Variants in UGT2A2 observed in about 807,000 individuals in gnomAD.
UGT2A2 encodes the protein UDP glucuronosyltransferase family 2 member A2.
In UGT2A2, 60 loss-of-function variants were observed where a neutral mutation model predicts 50.7. That is an observed-to-expected ratio of 1.18 (90% confidence interval 0.96 to 1.47). The LOEUF is 1.47. Among genes scored for constraint, UGT2A2 ranks in the 40% most tolerant of loss-of-function variants. The probability of loss-of-function intolerance (pLI) is 0.00; values close to 1 mark genes in which losing one functional copy is unlikely to be tolerated. For synonymous variants in UGT2A2, 242 were observed against 214.6 expected, an observed-to-expected ratio of 1.13 and a Z score of -1.11; for missense variants, 762 against 634.0, an observed-to-expected ratio of 1.20 and a Z score of -2.17.
At chr4:69,637,851 A>G (rs1721799607) in intron 1 of UGT2A2, among the ~76,000 whole-genome samples, 2 of 152,004 alleles carry the variant, frequency 1.3e-5, no homozygotes, top group African/African-American at 4.8e-5. Context: ...TTTTTTACAC[A>G]AAGTAAACAA....
intron 1 of UGT2A2, among the ~76,000 whole-genome samples, chr4:69,619,885 A>C (rs921727421): frequency 2.2e-4 from 33 of 152,176 alleles, no homozygotes; most frequent in Non-Finnish European, 4.0e-4. Context: ...TCATGTAAAC[A>C]GAAACACAAA....
chr4:69,594,355 T>C, intron 5 of UGT2A2, 122 bp downstream of exon 5: 1 of 1,282,236 alleles, frequency 7.8e-7, no homozygotes, highest in South Asian at 1.6e-5. Context: ...ATAGTTTTTA[T>C]ATTGGTCAGG....
intron 1 of UGT2A2, among the ~76,000 whole-genome samples, chr4:69,636,147 T>A (rs1721698173): frequency 6.6e-6 from 1 of 152,172 alleles, no homozygotes; most frequent in African/African-American, 2.4e-5. Context: ...TTTGGAGTTC[T>A]TCTTTGTCAC....
Position 69,602,160 on chromosome 4 carries a change from T to G in UGT2A2, c.743-2766A>C, listed in dbSNP as rs368260450. On this transcript the variant is annotated intron_variant, in intron 1 of 5. Coordinates refer to ENST00000604629, the MANE Select transcript of UGT2A2 (RefSeq NM_001105677.2). ...TGATAGCTTAAAACTGAAAAGTAGA[T>G]AAGTTCACCTTATTAGAAGGTAAAA... Among the ~76,000 whole-genome samples, 125 of 135,588 alleles carry G rather than the reference T, an allele frequency of 9.2e-4. 26 individuals carry two copies. The highest frequency in any genetic ancestry group is 3.6e-3 in the African/African-American group (121 of 33,468). 89.0% of individuals were successfully genotyped at this position (135,588 alleles called of 152,430 possible).
Position 69,639,298 on chromosome 4 carries a change from C to T in UGT2A2, c.343G>A (p.Ala115Thr). 6.2e-7 allele frequency: 1 copy of T among 1,613,672 alleles called. No individual in the cohort carries two copies. Among genetic ancestry groups the T allele is most frequent in the Non-Finnish European group, 8.5e-7 (1 of 1,179,722 alleles). ...AGTTTTCCTAGTTCTTTGTAGAAAG[C>T]CCATATTGTGAGAGGAGTTGGTCTA... ...DHRPTPLTIW[A>T]FYKELGKLLD... Residue 115 changes from alanine to threonine, a missense_variant, in exon 1 of 6, where the codon GCT (alanine) becomes ACT (threonine). Transcript: ENST00000604629.
At position 69,589,520 on chromosome 4, in the gene UGT2A2, T is replaced by G; in HGVS notation, c.1463A>C (p.His488Pro). The change falls in exon 6 of 6, where the codon CAT (histidine) becomes CCT (proline). Residue 488 changes from histidine to proline, a missense_variant. Transcript: ENST00000604629. ...KGAKHLRVAA[H>P]DLTWFQYHSL... ...GTGGTACTGGAACCAGGTGAGGTCA[T>G]GGGCTGCAACCCGAAGGTGCTTGGC... 6.2e-7 allele frequency: 1 copy of G among 1,614,138 alleles called. No homozygotes were observed. The highest frequency in any genetic ancestry group is 8.5e-7 in the Non-Finnish European group (1 of 1,180,004).
intron 5 of UGT2A2, among the ~76,000 whole-genome samples, chr4:69,593,809 G>A (rs1718725467): frequency 6.6e-6 from 1 of 151,532 alleles, no homozygotes; most frequent in Admixed American, 6.6e-5. Context: ...TTATTACTGA[G>A]CGTATTATCA....
At chr4:69,597,805 G>A (rs1719026403) in intron 2 of UGT2A2, among the ~76,000 whole-genome samples, 1 of 151,818 alleles carries the variant, frequency 6.6e-6, no homozygotes, top group Admixed American at 6.6e-5. Flanking sequence ...ACAGTCTCTT[G>A]TTGTTTTTGT....
At chr4:69,599,021 G>A (rs1379791505) in intron 2 of UGT2A2, among the ~76,000 whole-genome samples, 1 of 152,038 alleles carries the variant, frequency 6.6e-6, no homozygotes. Context: ...ACTGATATTT[G>A]TAACACACAG....
At chr4:69,626,618 C>A (rs1721073907) in intron 1 of UGT2A2, among the ~76,000 whole-genome samples, 1 of 151,382 alleles carries the variant, frequency 6.6e-6, no homozygotes, top group South Asian at 2.1e-4. Context: ...GCACATATAC[C>A]CTTGGAAACT....
At chr4:69,613,089 C>T (rs1437205266) in intron 1 of UGT2A2, among the ~76,000 whole-genome samples, 1 of 151,794 alleles carries the variant, frequency 6.6e-6, no homozygotes, top group East Asian at 1.9e-4. Context: ...ATAGACACTT[C>T]ACAAAAGAAG....
intron 1 of UGT2A2, among the ~76,000 whole-genome samples, chr4:69,625,127 T>C (rs1398195414): frequency 6.6e-6 from 1 of 151,114 alleles, no homozygotes; most frequent in Non-Finnish European, 1.5e-5. Flanking sequence ...TGCTGTTTTG[T>C]AGCTTGCATT....
Position 69,596,385 on chromosome 4 carries a change from C to T in UGT2A2, c.892-4G>A. 1 of 1,574,048 alleles carries T rather than the reference C, an allele frequency of 6.4e-7. No individual in the cohort carries two copies. Among genetic ancestry groups the T allele is most frequent in the South Asian group, 1.2e-5 (1 of 84,658 alleles). On this transcript the variant is annotated splice_polypyrimidine_tract_variant and splice_region_variant and intron_variant, in intron 2 of 5. Coordinates refer to ENST00000604629, the MANE Select transcript of UGT2A2 (RefSeq NM_001105677.2). ...TCTGGATAAATTCTTCCATTTCCTG[C>T]ATACATAATATATTTTCTATTACAA...
At chr4:69,625,425 T>C (rs1721000032) in intron 1 of UGT2A2, among the ~76,000 whole-genome samples, 1 of 151,222 alleles carries the variant, frequency 6.6e-6, no homozygotes. Context: ...TGTTAGGATG[T>C]TTTGTTTATT....
At position 69,638,882 on chromosome 4, in the gene UGT2A2, G is replaced by GA. The variant is rs1223572371; in HGVS notation, c.742+16dup. The GA allele has an allele frequency of 2.6e-6, 4 of 1,540,126 alleles. No individual in the cohort carries two copies. The highest frequency in any genetic ancestry group is 2.1e-5 in the Admixed American group (1 of 47,982). ...AAGGGATGTGGAGTCATTAAAAAGA[G>GA]AAAATTTTAGACTTACCTAAAATTT... On this transcript the variant is annotated intron_variant, in intron 1 of 5. Transcript: ENST00000604629.
chr4:69,594,479 AG>A lies in UGT2A2; in HGVS notation c.1328del (p.Pro443LeufsTer8). On this transcript the variant is annotated frameshift_variant, in exon 5 of 6. Transcript: ENST00000604629. LOFTEE classifies it high-confidence loss of function. ...LSALRTVINE[P>X]SYKENAMRLS... ...TTTTTAGGAGCCTTAGTACTTACGA[AG>A]GTTCATTAATGACTGTTCTCAAAGC... 1 of 1,614,104 alleles carries A rather than the reference AG, an allele frequency of 6.2e-7. No homozygotes were observed. Among genetic ancestry groups the A allele is most frequent in the South Asian group, 1.1e-5 (1 of 91,056 alleles).
At chr4:69,596,533 A>AT (rs576089392) in intron 2 of UGT2A2, 152 bp from the exon 3 acceptor site, 1,013 of 1,179,436 alleles carry the variant, frequency 8.6e-4, no homozygotes, top group African/African-American at 4.0e-3. Context: ...TAGTTTCTAT[A>AT]TTTTTTTTTG....
chr4:69,620,340 C>T (rs1463669162), intron 1 of UGT2A2, among the ~76,000 whole-genome samples: 1 of 136,142 alleles, frequency 7.3e-6, no homozygotes, highest in Admixed American at 7.1e-5. Flanking sequence ...ACACCAACAG[C>T]GAAGCAGAGA....
chr4:69,638,183 C>T (rs1033385537), intron 1 of UGT2A2, among the ~76,000 whole-genome samples: 4 of 151,970 alleles, frequency 2.6e-5, no homozygotes, highest in South Asian at 2.1e-4. Context: ...ATTAGTGTCC[C>T]GAGTACTAAG....
Sources: allele counts gnomAD v4.1 joint callset (sites outside exome capture counted in the v4.1 genomes callset), GRCh38; gene constraint gnomAD v4.1.1; transcripts MANE v1.5; gene names NCBI Gene and HGNC (gene_info 2026-07-23, HGNC 2026-07-21).